The following ESRRG variants were observed in gnomAD, a reference collection of about 807,000 sequenced individuals.
ESRRG encodes the protein estrogen related receptor gamma.
In ESRRG, 13 loss-of-function variants were observed where a neutral mutation model predicts 44.0. The observed-to-expected ratio is 0.30, with a 90% confidence interval of 0.19 to 0.47. ESRRG has a LOEUF of 0.47. Among genes scored for constraint, ESRRG ranks in the 20% least tolerant of loss-of-function variants. The pLI, the probability that ESRRG is intolerant of heterozygous loss-of-function variation, is 1.00. For missense variants in ESRRG, 395 were observed against 580.6 expected, an observed-to-expected ratio of 0.68 and a Z score of 3.29; for synonymous variants, 215 against 214.6, an observed-to-expected ratio of 1.00 and a Z score of -0.02.
At chr1:217,024,536 C>T (rs890596166) in intron 1 of ESRRG, among the ~76,000 whole-genome samples, 10 of 152,026 alleles carry the variant, frequency 6.6e-5, no homozygotes, top group Admixed American at 1.3e-4. Flanking sequence ...GACAAACACA[C>T]CAAAGCCTGG....
chr1:216,830,831 A>G (rs1248603898), intron 2 of ESRRG, among the ~76,000 whole-genome samples: 1 of 151,322 alleles, frequency 6.6e-6, no homozygotes, highest in Non-Finnish European at 1.5e-5. Flanking sequence ...TGTTAGAAGG[A>G]AAAAAAAAGG....
At chr1:216,977,471 T>A (rs2247426) in intron 1 of ESRRG, among the ~76,000 whole-genome samples, 129,979 of 152,084 alleles carry the variant, frequency 0.85, 55,719 homozygotes, top group East Asian at 1. Flanking sequence ...ATATTTGTAG[T>A]GGACTTTCTC....
At chr1:216,793,308 A>G (rs1250216369) in intron 2 of ESRRG, among the ~76,000 whole-genome samples, 1 of 152,200 alleles carries the variant, frequency 6.6e-6, no homozygotes, top group Non-Finnish European at 1.5e-5. Context: ...TTGTACCAGG[A>G]TTAGTCTGTG....
intron 1 of ESRRG, chr1:217,076,983 G>A (rs1465760120): frequency 6.6e-6 from 1 of 152,164 alleles, no homozygotes; most frequent in Non-Finnish European, 1.5e-5. Context: ...GGTAAGGGGG[G>A]AAGAAGGGGG....
In ESRRG at chr1:216,638,088, C is replaced by G. The variant is rs1324549937; in HGVS notation, c.589+12885G>C. 3.9e-5 allele frequency among the ~76,000 whole-genome samples: 6 copies of G among 152,068 alleles called. No individual in the cohort carries two copies. In the East Asian group the frequency reaches 1.2e-3, roughly 29 times the overall value. ...CTAGGTGCCATGAAAGACTAAAATA[C>G]AAACAGTTCCTGTTCTCAAGTTGTT... On this transcript the variant is annotated intron_variant, in intron 3 of 6. Transcript: ENST00000408911.
intron 1 of ESRRG, among the ~76,000 whole-genome samples, chr1:217,006,610 A>C (rs562254490): frequency 2.0e-5 from 3 of 152,274 alleles, no homozygotes; most frequent in African/African-American, 7.2e-5. Context: ...TTGCATATAC[A>C]TAGTGAGATA....
rs151155528 is a variant in ESRRG, at chr1:216,771,227, G to A, written c.-13-93736C>T. ...GTGGAAATTTTTAAAATAAATAACAGAAGAAAATGATACTTGCTTTTTATA... is the reference window on the plus strand; with the variant it reads ...GTGGAAATTTTTAAAATAAATAACAAAAGAAAATGATACTTGCTTTTTATA... On this transcript the variant is annotated intron_variant, in intron 2 of 7. Coordinates refer to the ESRRG transcript ENST00000359162. Among the ~76,000 whole-genome samples the A allele has an allele frequency of 2.3e-4, 35 of 152,178 alleles. 1 individual carries two copies. The highest frequency in any genetic ancestry group is 5.9e-4 in the Admixed American group (9 of 15,270).
intron 2 of ESRRG, among the ~76,000 whole-genome samples, chr1:216,853,343 T>C (rs561587705): frequency 3.7e-4 from 56 of 152,308 alleles, no homozygotes; most frequent in African/African-American, 1.3e-3. Flanking sequence ...CCAGCGTGGA[T>C]TATGCCACGT....
chr1:216,843,651 C>T (rs1485391025), intron 2 of ESRRG, among the ~76,000 whole-genome samples: 1 of 152,058 alleles, frequency 6.6e-6, no homozygotes, highest in Non-Finnish European at 1.5e-5. Flanking sequence ...CAAGCAAGGC[C>T]CCTAACAGAT....
chr1:216,717,706 C>A (rs1170536724), intron 1 of ESRRG, among the ~76,000 whole-genome samples: 1 of 151,696 alleles, frequency 6.6e-6, no homozygotes, highest in African/African-American at 2.4e-5. Flanking sequence ...TCTAAACTTA[C>A]CTCTTAGAAT....
Position 216,813,027 on chromosome 1 carries a change from C to A in ESRRG, c.-14+126555G>T, listed in dbSNP as rs371601012. ...AAAAGAATGCTGTGCAGCTGAACAG[C>A]TGAATGCTGTGGAGTACAAGCTAGA... On this transcript the variant is annotated intron_variant, in intron 2 of 7. Transcript: ENST00000359162. 9.7e-4 allele frequency among the ~76,000 whole-genome samples: 148 copies of A among 152,242 alleles called. No individual in the cohort carries two copies. The Middle Eastern group carries it at 0.01, about 10-fold the overall frequency.
chr1:216,771,816 GTTTT>G (rs72464828), intron 2 of ESRRG, among the ~76,000 whole-genome samples: 2 of 128,138 alleles, frequency 1.6e-5, no homozygotes, highest in African/African-American at 2.9e-5. Context: ...AGTTTGTGGT[GTTTT>G]TTTTTTTTTT....
At chr1:216,837,420 A>AAAAAAAAT (rs5780932) in intron 2 of ESRRG, among the ~76,000 whole-genome samples, 155 of 151,044 alleles carry the variant, frequency 1.0e-3, no homozygotes, top group African/African-American at 3.7e-3. Flanking sequence ...CAAAAAAAAA[A>AAAAAAAAT]TACAACTTTT....
At chr1:216,853,022 A>G (rs2095865294) in intron 2 of ESRRG, among the ~76,000 whole-genome samples, 2 of 152,170 alleles carry the variant, frequency 1.3e-5, no homozygotes, top group African/African-American at 2.4e-5. Flanking sequence ...CTCTCAGCCT[A>G]TTAGAACCCC....
chr1:216,730,788 G>A (rs745847488), intron 2 of ESRRG, among the ~76,000 whole-genome samples: 10 of 152,148 alleles, frequency 6.6e-5, no homozygotes, highest in African/African-American at 9.6e-5. Flanking sequence ...ATGGTGAGGC[G>A]GAAAGTTGGT....
chr1:216,747,257 A>G (rs1256333531), intron 2 of ESRRG, among the ~76,000 whole-genome samples: 3 of 152,164 alleles, frequency 2.0e-5, no homozygotes, highest in Non-Finnish European at 4.4e-5. Context: ...GACAAACTTG[A>G]GAGTAATTAC....
intron 1 of ESRRG, among the ~76,000 whole-genome samples, chr1:217,099,043 T>G (rs944283981): frequency 6.6e-6 from 1 of 152,228 alleles, no homozygotes; most frequent in African/African-American, 2.4e-5. Flanking sequence ...TCATTTATTT[T>G]GTTTACTGTC....
At chr1:216,804,471 T>C (rs1351892302) in intron 2 of ESRRG, among the ~76,000 whole-genome samples, 1 of 152,106 alleles carries the variant, frequency 6.6e-6, no homozygotes, top group African/African-American at 2.4e-5. Context: ...TTGGTACTTT[T>C]TAAAATTTTT....
intron 1 of ESRRG, among the ~76,000 whole-genome samples, chr1:216,683,213 G>A (rs2077339219): frequency 6.6e-6 from 1 of 152,164 alleles, no homozygotes; most frequent in Non-Finnish European, 1.5e-5. Flanking sequence ...CTTAAGGTCT[G>A]CCTGGTTAAC....
Sources: gnomAD v4.1 joint callset for allele counts (sites outside exome capture counted in the v4.1 genomes callset) on GRCh38, gnomAD v4.1.1 for gene constraint, MANE v1.5 for transcripts, NCBI Gene and HGNC (gene_info 2026-07-23, HGNC 2026-07-21) for gene names.